LDLRAP1: variants seen among roughly 807,000 people sequenced by gnomAD.
LDLRAP1 encodes the protein low density lipoprotein receptor adapter protein 1.
In LDLRAP1, 30 loss-of-function variants were observed where a neutral mutation model predicts 37.8. That is an observed-to-expected ratio of 0.79 (90% CI 0.59 to 1.08). LDLRAP1 has a LOEUF of 1.08. Among genes scored for constraint, LDLRAP1 ranks in the 50% least tolerant of loss-of-function variants. The pLI, the probability that LDLRAP1 is intolerant of heterozygous loss-of-function variation, is 0.00. For synonymous variants in LDLRAP1, 156 were observed against 169.8 expected (o/e 0.92, Z 0.63); for missense variants, 375 against 401.6 (o/e 0.93, Z 0.57).
rs1001750023 is a variant in LDLRAP1 at position 25,555,852 on chromosome 1, A to G, written c.344+880A>G. ...CCAGATGAGGACTCCAATCCTGCTC[A>G]TTGCCCTCAAGGAGCTTCCACTCTA... On this transcript the variant is annotated intron_variant, in intron 3 of 8. Coordinates refer to ENST00000374338, the MANE Select transcript of LDLRAP1 (RefSeq NM_015627.3). This position sits in a 1 kb window ranked among gnomAD's most constrained non-coding sequence, Gnocchi z 4.7. Among the ~76,000 whole-genome samples the G allele has an allele frequency of 2.6e-5, 4 of 152,156 alleles. No individual in the cohort carries two copies. Among genetic ancestry groups the G allele is most frequent in the Non-Finnish European group, 5.9e-5 (4 of 68,030 alleles).
At position 25,563,665 on chromosome 1, in the gene LDLRAP1, C is replaced by A; in HGVS notation, c.621C>A (p.Val207=). ...ACCTGACCGGATCCCTCACAGTGGT[C>A]GCCACTGGGAACCTGCTGGACTTAG... ...QDCTPSLKSL[V]ATGNLLDLEE... is the part of the protein sequence containing the mutation. The change falls in exon 7 of 9, where the codon GTC becomes GTA. Residue 207 remains valine (V), a synonymous_variant. Transcript: ENST00000374338. 1 of 1,613,486 alleles carries A rather than the reference C, an allele frequency of 6.2e-7. No individual in the cohort carries two copies. Among genetic ancestry groups the A allele is most frequent in the Non-Finnish European group, 8.5e-7 (1 of 1,179,990 alleles).
chr1:25,573,688 G>C (rs2124713052), downstream of LDLRAP1, among the ~76,000 whole-genome samples: 4 of 152,316 alleles, frequency 2.6e-5, 1 homozygote, highest in East Asian at 7.7e-4. Flanking sequence ...GCTATGCCGA[G>C]GCTTTGCACA....
At chr1:25,586,352 TG>T in the LDLRAP1 span, among the ~76,000 whole-genome samples, 95 of 152,258 alleles carry the variant, frequency 6.2e-4, no homozygotes, top group African/African-American at 2.2e-3. This position sits in a 1 kb window ranked among gnomAD's most constrained non-coding sequence, Gnocchi z 4.3. Context: ...CACTCATCTC[TG>T]GGCCTGCCTG....
Position 25,554,382 on chromosome 1 carries a change from A to T in LDLRAP1, c.231+318A>T, listed in dbSNP as rs1006611362. On this transcript the variant is annotated intron_variant, in intron 2 of 8. Transcript: ENST00000374338. The surrounding 1 kb of genome is among the most constrained non-coding windows in gnomAD (Gnocchi z 5.4). ...TTGCTTTCCCTTGACTACCTGCCCA[A>T]TGGCCTGAGAGACAGCATAGCCCAT... 6.6e-6 allele frequency among the ~76,000 whole-genome samples: 1 copy of T among 152,132 alleles called. No individual in the cohort carries two copies. The highest frequency in any genetic ancestry group is 2.1e-4 in the South Asian group (1 of 4,822).
At chr1:25,570,293 C>G (rs1029622666), downstream of LDLRAP1, among the ~76,000 whole-genome samples, 5 of 152,206 alleles carry the variant, frequency 3.3e-5, no homozygotes, top group African/African-American at 1.2e-4. Flanking sequence ...GATTATGAAT[C>G]CTGAGCGCCA....
intron 8 of LDLRAP1, among the ~76,000 whole-genome samples, chr1:25,566,259 C>G (rs1182190144): frequency 6.6e-6 from 1 of 152,130 alleles, no homozygotes; most frequent in Non-Finnish European, 1.5e-5. Context: ...TTGATCAGCT[C>G]ATCGTATTTG....
chr1:25,560,168 G>A (rs902067963), intron 4 of LDLRAP1, among the ~76,000 whole-genome samples: 3 of 152,178 alleles, frequency 2.0e-5, no homozygotes, highest in Non-Finnish European at 4.4e-5. Flanking sequence ...GGTGGGTGGT[G>A]AGGCAGCTTC....
At chr1:25,577,973 C>T in the LDLRAP1 span, among the ~76,000 whole-genome samples, 1 of 152,098 alleles carries the variant, frequency 6.6e-6, no homozygotes, top group South Asian at 2.1e-4. Context: ...TTACACAGGT[C>T]GGGAGCTCAG....
Position 25,568,594 on chromosome 1 carries a change from A to G in LDLRAP1, c.*1602A>G, listed in dbSNP as rs1371451616. On this transcript the variant is annotated 3_prime_UTR_variant, in exon 9 of 9. Transcript: ENST00000374338. The stretch of plus-strand genomic sequence containing the variant: ...GTGGGATTTGCAGGGTCATTATCAG[A>G]ACATGAGGATAACTTCCTTGCCCCT... 6.6e-6 allele frequency: 1 copy of G among 152,210 alleles called. No homozygotes were observed. The highest frequency in any genetic ancestry group is 1.9e-4 in the East Asian group (1 of 5,188). The allele number at this position is 152,210 out of a possible 1,614,324, so 9.4% of individuals were successfully genotyped here.
downstream of LDLRAP1, among the ~76,000 whole-genome samples, chr1:25,571,240 T>C (rs929548271): frequency 1.1e-4 from 16 of 152,222 alleles, no homozygotes; most frequent in Admixed American, 4.6e-4. Flanking sequence ...ACTTCCTAGC[T>C]AGACACCAGA....
At chr1:25,557,567 TC>T (rs1302020869) in intron 4 of LDLRAP1, 1 of 469,758 alleles carries the variant, frequency 2.1e-6, no homozygotes, top group Non-Finnish European at 3.9e-6. Flanking sequence ...GTTTTGGATC[TC>T]CTGTCTTTAA....
intron 8 of LDLRAP1, 113 bp downstream of exon 8, chr1:25,565,320 C>G: frequency 8.4e-7 from 1 of 1,189,186 alleles, no homozygotes; most frequent in East Asian, 2.3e-5. Flanking sequence ...CTCAGACCCC[C>G]TCCAGAGCAA....
chr1:25,584,558 C>G, the LDLRAP1 span, among the ~76,000 whole-genome samples: 2 of 152,136 alleles, frequency 1.3e-5, no homozygotes, highest in Admixed American at 6.5e-5. Context: ...CTTCCTACCT[C>G]CATAATAACA....
chr1:25,549,418 G>C (rs2044016605), intron 1 of LDLRAP1, among the ~76,000 whole-genome samples: 1 of 152,192 alleles, frequency 6.6e-6, no homozygotes. Flanking sequence ...GGGTCTCTGG[G>C]AGCAGCAGAA....
downstream of LDLRAP1, among the ~76,000 whole-genome samples, chr1:25,569,228 C>T (rs755514958): frequency 6.6e-6 from 1 of 152,188 alleles, no homozygotes; most frequent in Non-Finnish European, 1.5e-5. Context: ...TCCACGTGGG[C>T]GTTTTCCACA....
Position 25,554,748 on chromosome 1 carries a change from C to T in LDLRAP1, c.232-112C>T, listed in dbSNP as rs912535136. On this transcript the variant is annotated intron_variant, in intron 2 of 8. Transcript: ENST00000374338. This position sits in a 1 kb window ranked among gnomAD's most constrained non-coding sequence, Gnocchi z 5.4. ...GTCTTGCCCACACTGCTGCCAGTCACCTGAGCTGAGATGGGCCCCGTGCCT... is the reference window on the plus strand; with the variant it reads ...GTCTTGCCCACACTGCTGCCAGTCATCTGAGCTGAGATGGGCCCCGTGCCT... The T allele has an allele frequency of 8.6e-6, 7 of 810,846 alleles. No individual in the cohort carries two copies. In the African/African-American group the frequency reaches 1.2e-4, roughly 14 times the overall value. 50.2% of individuals were successfully genotyped at this position (810,846 alleles called of 1,614,324 possible). A position where few individuals can be genotyped will look rare whatever the true frequency, so the allele number is the denominator to read the frequency against.
At chr1:25,588,834 G>A in the LDLRAP1 span, among the ~76,000 whole-genome samples, 21 of 152,310 alleles carry the variant, frequency 1.4e-4, no homozygotes, top group Non-Finnish European at 3.1e-4. Context: ...CCTCACAGAG[G>A]TTCTGTTTTT....
chr1:25,573,597 C>A (rs929722781), downstream of LDLRAP1, among the ~76,000 whole-genome samples: 4 of 152,214 alleles, frequency 2.6e-5, no homozygotes, highest in African/African-American at 9.6e-5. Flanking sequence ...ACCACCCCAA[C>A]ACTGTTGGGG....
chr1:25,566,815 C>T (rs1198758906), intron 8 of LDLRAP1, 33 bp from the exon 9 acceptor site: 1 of 1,595,628 alleles, frequency 6.3e-7, no homozygotes, highest in East Asian at 2.3e-5. Flanking sequence ...AGCCCTCACC[C>T]AGGCTCTCGG....
Sources: gnomAD v4.1 joint callset for allele counts (sites outside exome capture counted in the v4.1 genomes callset) on GRCh38, gnomAD v4.1.1 for gene constraint, Gnocchi (gnomAD v3.1) non-coding constraint, MANE v1.5 for transcripts, NCBI Gene and HGNC (gene_info 2026-07-23, HGNC 2026-07-21) for gene names.